The following BCKDHA variants were observed in gnomAD, a reference collection of about 807,000 sequenced individuals.
BCKDHA encodes the protein 2-oxoisovalerate dehydrogenase subunit alpha, mitochondrial.
In BCKDHA, 43 loss-of-function variants were observed where a neutral mutation model predicts 52.2. That is an observed-to-expected ratio of 0.82 (90% CI 0.64 to 1.06). The LOEUF is 1.06. BCKDHA is among the 50% of genes least tolerant of loss of function. The pLI is 0.00. For synonymous variants in BCKDHA, 234 were observed against 247.9 expected (o/e 0.94, Z 0.53); for missense variants, 527 against 621.3 (o/e 0.85, Z 1.61).
In BCKDHA at chr19:41,414,076, T is replaced by G. The variant is rs760113469; in HGVS notation, c.403T>G (p.Tyr135Asp). 1 of 1,613,740 alleles carries G rather than the reference T, an allele frequency of 6.2e-7. No homozygotes were observed. The highest frequency in any genetic ancestry group is 8.5e-7 in the Non-Finnish European group (1 of 1,180,006). The change falls in exon 4 of 9, where the codon TAT becomes GAT. Residue 135 changes from tyrosine to aspartate, a missense_variant. Tyr to Asp is a radical substitution (Grantham distance 160). Coordinates refer to ENST00000269980, the MANE Select transcript of BCKDHA (RefSeq NM_000709.4). The part of the protein sequence containing the change: ...QGRISFYMTN[Y>D]GEEGTHVGSA... ...CCGGATCTCCTTCTACATGACCAAC[T>G]ATGGTGAGGAGGGCACGCACGTGGG...
chr19:41,420,847 T>G (rs1004891866), intron 5 of BCKDHA, among the ~76,000 whole-genome samples: 2 of 152,178 alleles, frequency 1.3e-5, no homozygotes, highest in African/African-American at 4.8e-5. Context: ...GCCTGCACCC[T>G]CATAGTGTGG....
chr19:41,422,841 C>T, intron 7 of BCKDHA, 71 bp downstream of exon 7: 1 of 1,606,600 alleles, frequency 6.2e-7, no homozygotes, highest in South Asian at 1.1e-5. Context: ...TCATATCGAT[C>T]ACTGTCTCCA....
chr19:41,420,131 C>T (rs182591838), intron 5 of BCKDHA, among the ~76,000 whole-genome samples: 55 of 152,228 alleles, frequency 3.6e-4, no homozygotes, highest in African/African-American at 1.3e-3. Context: ...TGTTGCTGTC[C>T]CCACCCCATT....
In BCKDHA at chr19:41,404,568, C is replaced by T. The variant is rs59989753; in HGVS notation, c.109-6069C>T. 5.2e-3 allele frequency among the ~76,000 whole-genome samples: 782 copies of T among 151,736 alleles called. 11 individuals carry two copies. Among genetic ancestry groups the T allele is most frequent in the African/African-American group, 0.018 (736 of 41,350 alleles). On this transcript the variant is annotated intron_variant, in intron 1 of 8. Coordinates refer to ENST00000269980, the MANE Select transcript of BCKDHA (RefSeq NM_000709.4). Reference sequence around the variant, plus strand: ...TCTCCCAAAGTGCTGGGATTACAGGCGTGAGCCACCACGCCCAGCCTAATT... The same window carrying T: ...TCTCCCAAAGTGCTGGGATTACAGGTGTGAGCCACCACGCCCAGCCTAATT...
intron 1 of BCKDHA, among the ~76,000 whole-genome samples, 189 bp downstream of exon 1, chr19:41,398,124 C>G (rs1568499766): frequency 6.6e-6 from 1 of 152,188 alleles, no homozygotes; most frequent in Non-Finnish European, 1.5e-5. Context: ...AGAACTTCCA[C>G]TTCTTTAGGA....
At chr19:41,399,185 C>T (rs1301499033) in intron 1 of BCKDHA, among the ~76,000 whole-genome samples, 1 of 151,862 alleles carries the variant, frequency 6.6e-6, no homozygotes, top group African/African-American at 2.4e-5. Context: ...GGGGAACAAA[C>T]GGGAGGAGGG....
intron 4 of BCKDHA, among the ~76,000 whole-genome samples, chr19:41,416,377 C>T (rs532693180): frequency 1.3e-5 from 2 of 152,328 alleles, no homozygotes; most frequent in East Asian, 3.9e-4. Flanking sequence ...GCACCTCCCC[C>T]ATCCATGTGA....
intron 1 of BCKDHA, among the ~76,000 whole-genome samples, chr19:41,406,867 G>A (rs2039199071): frequency 6.6e-6 from 1 of 152,162 alleles, no homozygotes; most frequent in Non-Finnish European, 1.5e-5. Flanking sequence ...ACCACGCCCA[G>A]CCTTCCTGGC....
chr19:41,401,079 G>GT (rs71181105), intron 1 of BCKDHA, among the ~76,000 whole-genome samples: 90,527 of 149,274 alleles, frequency 0.61, 27,331 homozygotes, highest in African/African-American at 0.66. Flanking sequence ...GTTTTGTTTT[G>GT]TTTTTTGTTT....
chr19:41,408,022 C>T (rs983633119), intron 1 of BCKDHA, among the ~76,000 whole-genome samples: 1 of 148,284 alleles, frequency 6.7e-6, no homozygotes, highest in Non-Finnish European at 1.5e-5. Flanking sequence ...GTGGCACAGT[C>T]TCAGCTCACT....
Position 41,410,740 on chromosome 19 carries a change from A to G in BCKDHA, c.212A>G (p.Asn71Ser), listed in dbSNP as rs147370725. 4.6e-5 allele frequency: 75 copies of G among 1,614,086 alleles called. No homozygotes were observed. The highest frequency in any genetic ancestry group is 5.8e-5 in the Non-Finnish European group (68 of 1,180,022). The change falls in exon 2 of 9, where the codon AAC (asparagine) becomes AGC (serine). Residue 71 changes from asparagine to serine, a missense_variant. Transcript: ENST00000269980. ...GATAAGTTGGAATTCATCCAGCCCA[A>G]CGTCATCTCTGGAATCCCCATCTAC... ...FIDKLEFIQP[N>S]VISGIPIYRV...
intron 1 of BCKDHA, among the ~76,000 whole-genome samples, chr19:41,406,386 T>G (rs1462375398): frequency 1.3e-5 from 2 of 152,072 alleles, no homozygotes; most frequent in Non-Finnish European, 2.9e-5. Context: ...GAGTATCTGC[T>G]GGGGCCACAG....
At chr19:41,418,176 G>A (rs955876772) in intron 4 of BCKDHA, among the ~76,000 whole-genome samples, 1 of 151,478 alleles carries the variant, frequency 6.6e-6, no homozygotes, top group Non-Finnish European at 1.5e-5. Flanking sequence ...CGGGTTCTGC[G>A]GTAAAGAAAG....
At chr19:41,424,397 G>T (rs763558245) in intron 8 of BCKDHA, 41 bp from the exon 9 acceptor site, 20 of 1,612,128 alleles carry the variant, frequency 1.2e-5, no homozygotes, top group Non-Finnish European at 1.6e-5. Flanking sequence ...GGTCCTGCAT[G>T]GGAGGCCGGC....
chr19:41,416,163 C>A (rs1373446193), intron 4 of BCKDHA, among the ~76,000 whole-genome samples: 2 of 152,150 alleles, frequency 1.3e-5, no homozygotes, highest in Non-Finnish European at 2.9e-5. Flanking sequence ...AGGCTGGTTT[C>A]AAACTCCTGA....
intron 1 of BCKDHA, among the ~76,000 whole-genome samples, chr19:41,404,516 C>T (rs1270265007): frequency 6.6e-6 from 1 of 151,762 alleles, no homozygotes; most frequent in African/African-American, 2.4e-5. Flanking sequence ...GTCTCGATCT[C>T]CCGACCTCAT....
chr19:41,402,236 A>G (rs1232806225), intron 1 of BCKDHA, among the ~76,000 whole-genome samples: 1 of 152,200 alleles, frequency 6.6e-6, no homozygotes, highest in African/African-American at 2.4e-5. Context: ...TATGGGAGCT[A>G]TAATTCAAGA....
chr19:41,410,854 G>T (rs371286159), intron 2 of BCKDHA, 38 bp downstream of exon 2: 2 of 1,613,036 alleles, frequency 1.2e-6, no homozygotes, highest in Non-Finnish European at 1.7e-6. Flanking sequence ...TGCCCCCCAC[G>T]CCCAGGCCCC....
At chr19:41,424,332 A>T in intron 8 of BCKDHA, 106 bp from the exon 9 acceptor site, 1 of 1,251,418 alleles carries the variant, frequency 8.0e-7, no homozygotes, top group Non-Finnish European at 1.2e-6. Context: ...TCGAGGTGGG[A>T]ACACAAAGGC....
Sources: allele counts gnomAD v4.1 joint callset (sites outside exome capture counted in the v4.1 genomes callset), GRCh38; gene constraint gnomAD v4.1.1; transcripts MANE v1.5; gene names NCBI Gene and HGNC (gene_info 2026-07-23, HGNC 2026-07-21).